MSTO1: variants seen among roughly 807,000 people sequenced by gnomAD.
MSTO1 encodes protein misato homolog 1.
A neutral mutation model predicts 55.7 loss-of-function variants in MSTO1; 24 were observed. The ratio of observed to expected loss-of-function variants is 0.43; its 90% CI spans 0.31 to 0.61. The LOEUF (loss-of-function observed/expected upper bound fraction) is 0.61. MSTO1 is among the 20% of genes least tolerant of loss of function. MSTO1 has a pLI of 0.09. For missense variants in MSTO1, 363 were observed against 625.7 expected (o/e 0.58, Z 4.48); for synonymous variants, 162 against 252.8 (o/e 0.64, Z 3.41).
the MSTO1 span, among the ~76,000 whole-genome samples, chr1:155,581,219 C>G: frequency 6.6e-6 from 1 of 152,026 alleles, no homozygotes; most frequent in African/African-American, 2.4e-5. Flanking sequence ...TATACCTCGG[C>G]CTCCCAAAGT....
At chr1:155,575,979 C>T in the MSTO1 span, among the ~76,000 whole-genome samples, 1 of 151,696 alleles carries the variant, frequency 6.6e-6, no homozygotes, top group African/African-American at 2.4e-5. Context: ...CACGTCACCA[C>T]GCCCAGCTAA....
At position 155,613,242 on chromosome 1, in the gene MSTO1, T is replaced by G. The variant is rs577834955; in HGVS notation, c.1283+9T>G. The G allele has an allele frequency of 6.2e-7, 1 of 1,611,402 alleles. No individual in the cohort carries two copies. The highest frequency in any genetic ancestry group is 1.1e-5 in the South Asian group (1 of 90,888). The stretch of plus-strand genomic sequence containing the variant: ...AGAGCATGCCACACAAGGTGAGAGC[T>G]GTTGGTCCTTAGGAGTCCTTGTCAG... On this transcript the variant is annotated intron_variant, in intron 11 of 13. Coordinates refer to ENST00000245564, the MANE Select transcript of MSTO1 (RefSeq NM_018116.4).
At chr1:155,609,370 C>G (rs1432843216), upstream of MSTO1, among the ~76,000 whole-genome samples, 1 of 148,396 alleles carries the variant, frequency 6.7e-6, no homozygotes, top group Admixed American at 6.7e-5. Flanking sequence ...CTCAGCCTCC[C>G]GAGTAGCTGG....
At chr1:155,598,941 C>G in the MSTO1 span, 12 of 1,283,918 alleles carry the variant, frequency 9.3e-6, no homozygotes, top group Non-Finnish European at 1.2e-5. Flanking sequence ...CTTGTCTTCT[C>G]TCTGTTAGGT....
chr1:155,577,700 GCTATTCTAGGT>G, the MSTO1 span, among the ~76,000 whole-genome samples: 2 of 152,124 alleles, frequency 1.3e-5, no homozygotes, highest in African/African-American at 4.8e-5. Flanking sequence ...GAATGCTTGG[GCTATTCTAGGT>G]CTATGGCATT....
chr1:155,591,662 T>C, the MSTO1 span, among the ~76,000 whole-genome samples: 3 of 152,030 alleles, frequency 2.0e-5, no homozygotes, highest in Admixed American at 6.6e-5. Context: ...TGGTGGCGCA[T>C]GCCTGTAATC....
the MSTO1 span, among the ~76,000 whole-genome samples, chr1:155,577,165 T>G: frequency 6.7e-6 from 1 of 150,294 alleles, no homozygotes; most frequent in African/African-American, 2.4e-5. Flanking sequence ...CTCAGCTCAC[T>G]GCAAGCTCCA....
At chr1:155,600,894 T>C in the MSTO1 span, among the ~76,000 whole-genome samples, 7 of 151,468 alleles carry the variant, frequency 4.6e-5, no homozygotes, top group Non-Finnish European at 1.0e-4. Context: ...GCCAGTATGG[T>C]CTCGATCTCC....
At chr1:155,575,616 A>G in the MSTO1 span, among the ~76,000 whole-genome samples, 3 of 151,424 alleles carry the variant, frequency 2.0e-5, no homozygotes, top group Non-Finnish European at 4.4e-5. Flanking sequence ...CTAATTTTTT[A>G]AATTTTTTGT....
chr1:155,578,314 G>C, the MSTO1 span, among the ~76,000 whole-genome samples: 1 of 137,522 alleles, frequency 7.3e-6, no homozygotes, highest in Non-Finnish European at 1.6e-5. Context: ...GGGGTGGGGA[G>C]CAGAGGACCA....
chr1:155,611,361 C>T (rs1673945491), intron 4 of MSTO1, 70 bp downstream of exon 4: 13 of 1,613,258 alleles, frequency 8.1e-6, no homozygotes, highest in Admixed American at 1.7e-5. Context: ...GGCAGGTAAA[C>T]GGGGATTTTA....
chr1:155,591,026 C>T, the MSTO1 span: 1 of 1,613,868 alleles, frequency 6.2e-7, no homozygotes, highest in East Asian at 2.2e-5. Flanking sequence ...ACGGCACGTG[C>T]AGCCTGCAGG....
At chr1:155,564,732 A>G in the MSTO1 span, among the ~76,000 whole-genome samples, 2 of 152,220 alleles carry the variant, frequency 1.3e-5, no homozygotes, top group Non-Finnish European at 2.9e-5. Context: ...CAAGTGTATT[A>G]TGCTACCAAT....
At chr1:155,608,775 T>A (rs973275327), upstream of MSTO1, among the ~76,000 whole-genome samples, 1 of 151,950 alleles carries the variant, frequency 6.6e-6, no homozygotes, top group African/African-American at 2.4e-5. Flanking sequence ...GTGCTGGGAT[T>A]ACAGGCTTGA....
chr1:155,586,112 C>G, the MSTO1 span, among the ~76,000 whole-genome samples: 2 of 150,340 alleles, frequency 1.3e-5, no homozygotes, highest in Non-Finnish European at 3.0e-5. Context: ...TTTTTACAGT[C>G]TTTTTATAAT....
chr1:155,572,872 A>T, the MSTO1 span, among the ~76,000 whole-genome samples: 2 of 151,236 alleles, frequency 1.3e-5, no homozygotes, highest in Non-Finnish European at 2.9e-5. Flanking sequence ...CTGGTCTCGA[A>T]CTCCCGACCT....
chr1:155,591,051 C>A, the MSTO1 span: 1 of 1,613,824 alleles, frequency 6.2e-7, no homozygotes, highest in Non-Finnish European at 8.5e-7. Context: ...GTGGCAGCGC[C>A]AGCAGTGAGT....
chr1:155,605,692 G>C (rs1392019216), upstream of MSTO1, among the ~76,000 whole-genome samples: 1 of 152,098 alleles, frequency 6.6e-6, no homozygotes, highest in Non-Finnish European at 1.5e-5. Flanking sequence ...TGTGAGGATC[G>C]ATTGAATTAA....
chr1:155,600,858 A>C, the MSTO1 span, among the ~76,000 whole-genome samples: 1 of 149,484 alleles, frequency 6.7e-6, no homozygotes, highest in East Asian at 2.0e-4. Flanking sequence ...TTGTATTTTT[A>C]GTAGAGACGG....
Sources: allele counts gnomAD v4.1 joint callset (sites outside exome capture counted in the v4.1 genomes callset), GRCh38; gene constraint gnomAD v4.1.1; transcripts MANE v1.5; gene names NCBI Gene and HGNC (gene_info 2026-07-23, HGNC 2026-07-21).